FRMD5: variants seen among roughly 807,000 people sequenced by gnomAD.
FRMD5 encodes FERM domain-containing protein 5.
FRMD5 carries 20 observed loss-of-function variants against 69.0 expected under a neutral mutation model. The ratio of observed to expected loss-of-function variants is 0.29; its 90% CI spans 0.20 to 0.42. The LOEUF (loss-of-function observed/expected upper bound fraction) is 0.42, where lower values mean the gene tolerates loss of function less well. FRMD5 is among the 10% of genes least tolerant of loss of function. FRMD5 has a pLI of 1.00. For missense variants in FRMD5, 595 were observed against 708.6 expected (o/e 0.84, Z 1.82); for synonymous variants, 271 against 260.1 (o/e 1.04, Z -0.40).
chr15:44,029,422 C>T (rs1891582082), intron 1 of FRMD5, among the ~76,000 whole-genome samples: 1 of 152,158 alleles, frequency 6.6e-6, no homozygotes, highest in Non-Finnish European at 1.5e-5. Context: ...ATGTCTGAAC[C>T]AATAAACTAA....
chr15:44,055,612 T>A (rs1236083857), intron 1 of FRMD5, among the ~76,000 whole-genome samples: 2 of 152,180 alleles, frequency 1.3e-5, no homozygotes, highest in South Asian at 4.1e-4. Context: ...ATTATTGCTA[T>A]GAAAAAGCCA....
rs558776064 is a variant in FRMD5, at chr15:44,131,320, G to A, written c.102+63633C>T. On this transcript the variant is annotated intron_variant, in intron 1 of 13. Transcript: ENST00000417257. ...AATAACAAGTGTTGGTGAGGATATG[G>A]AGAAAATGGAACCCCTATAAACGGT... Among the ~76,000 whole-genome samples the A allele has an allele frequency of 2.2e-4, 33 of 152,178 alleles. No homozygotes were observed. The Middle Eastern group carries it at 0.01, about 47-fold the overall frequency.
intron 5 of FRMD5, among the ~76,000 whole-genome samples, chr15:43,907,676 T>A (rs927934153): frequency 6.6e-6 from 1 of 152,092 alleles, no homozygotes; most frequent in Non-Finnish European, 1.5e-5. Context: ...CCCAGCTAAT[T>A]TTTGTATTTT....
At chr15:44,193,122 A>G (rs576712557) in intron 1 of FRMD5, among the ~76,000 whole-genome samples, 2 of 152,322 alleles carry the variant, frequency 1.3e-5, no homozygotes, top group African/African-American at 4.8e-5. Context: ...AAAAATAACT[A>G]TTTGCCTCAC....
At chr15:44,186,943 C>T (rs891337915) in intron 1 of FRMD5, among the ~76,000 whole-genome samples, 3 of 152,160 alleles carry the variant, frequency 2.0e-5, no homozygotes, top group Non-Finnish European at 4.4e-5. Context: ...AATTCAGAGA[C>T]GCAATCCTCG....
At chr15:43,994,098 G>A (rs1889812286) in intron 1 of FRMD5, among the ~76,000 whole-genome samples, 1 of 152,162 alleles carries the variant, frequency 6.6e-6, no homozygotes, top group Non-Finnish European at 1.5e-5. Context: ...TTGATAGGTA[G>A]GGACTTACTA....
upstream of FRMD5, among the ~76,000 whole-genome samples, chr15:44,198,350 A>T (rs560802166): frequency 2.6e-3 from 389 of 149,936 alleles, 3 homozygotes; most frequent in African/African-American, 8.8e-3. Flanking sequence ...AAAAGGAATT[A>T]AAAAAAATCA....
chr15:43,897,495 A>AG (rs1198602382), intron 7 of FRMD5, among the ~76,000 whole-genome samples: 2 of 148,816 alleles, frequency 1.3e-5, no homozygotes, highest in Non-Finnish European at 3.0e-5. Context: ...CTCAAAAAAA[A>AG]AAAAAAAAAA....
chr15:44,181,041 T>A (rs2077991409), intron 1 of FRMD5, among the ~76,000 whole-genome samples: 2 of 152,132 alleles, frequency 1.3e-5, no homozygotes, highest in African/African-American at 4.8e-5. Context: ...ACTAATTTAA[T>A]CACTTTTTTT....
At chr15:43,924,416 G>A in intron 1 of FRMD5, 107 bp from the exon 2 acceptor site, 1 of 726,662 alleles carries the variant, frequency 1.4e-6, no homozygotes, top group Non-Finnish European at 2.4e-6. Flanking sequence ...ATGTGTCTAT[G>A]AAAGGGGTGA....
intron 1 of FRMD5, among the ~76,000 whole-genome samples, chr15:44,059,130 T>C (rs1892989717): frequency 6.6e-6 from 1 of 152,130 alleles, no homozygotes. Flanking sequence ...AATCACAAAC[T>C]ACAGAAGGGA....
chr15:44,169,821 T>C (rs1371634545), intron 1 of FRMD5, among the ~76,000 whole-genome samples: 1 of 152,196 alleles, frequency 6.6e-6, no homozygotes, highest in Non-Finnish European at 1.5e-5. Flanking sequence ...TAACTATAAC[T>C]ATTTCCATAC....
intron 1 of FRMD5, among the ~76,000 whole-genome samples, chr15:44,011,149 G>C (rs1042997277): frequency 3.7e-4 from 53 of 142,308 alleles, no homozygotes; most frequent in Middle Eastern, 3.8e-3. Context: ...GCCCAGCTAA[G>C]TAGGCTTCTT....
chr15:44,054,915 C>A (rs1442066723), intron 1 of FRMD5, among the ~76,000 whole-genome samples: 2 of 151,980 alleles, frequency 1.3e-5, no homozygotes, highest in South Asian at 2.1e-4. Context: ...ACTAAAAATA[C>A]AAAAATTACC....
intron 1 of FRMD5, among the ~76,000 whole-genome samples, chr15:43,976,909 C>T (rs1405837015): frequency 6.6e-6 from 1 of 151,984 alleles, no homozygotes; most frequent in African/African-American, 2.4e-5. Context: ...CAGCTCACTG[C>T]AATCTCCGCC....
At chr15:44,082,933 A>G (rs1383647248) in intron 1 of FRMD5, among the ~76,000 whole-genome samples, 2 of 151,974 alleles carry the variant, frequency 1.3e-5, no homozygotes, top group Non-Finnish European at 1.5e-5. Flanking sequence ...TGTTTTCCCA[A>G]GTGAATTCTG....
intron 1 of FRMD5, among the ~76,000 whole-genome samples, chr15:43,968,006 G>A (rs2090321294): frequency 6.9e-6 from 1 of 145,620 alleles, no homozygotes; most frequent in Non-Finnish European, 1.5e-5. Context: ...TTATGAGTGA[G>A]AACAATGCAT....
intron 1 of FRMD5, among the ~76,000 whole-genome samples, chr15:44,191,650 T>G (rs1453408074): frequency 1.3e-5 from 2 of 151,754 alleles, no homozygotes; most frequent in East Asian, 3.9e-4. Context: ...GGTGCACTTC[T>G]GTAGTCCCAA....
At chr15:44,091,429 T>C (rs1236451022) in intron 1 of FRMD5, among the ~76,000 whole-genome samples, 1 of 152,156 alleles carries the variant, frequency 6.6e-6, no homozygotes, top group African/African-American at 2.4e-5. Flanking sequence ...CTTAAGAACA[T>C]AAAACATAAC....
Sources: gnomAD v4.1 joint callset for allele counts (sites outside exome capture counted in the v4.1 genomes callset) on GRCh38, gnomAD v4.1.1 for gene constraint, MANE v1.5 for transcripts, NCBI Gene and HGNC (gene_info 2026-07-23, HGNC 2026-07-21) for gene names.